HOXC4: variants seen among roughly 807,000 people sequenced by gnomAD.
The protein encoded by HOXC4 is homeobox C4.
In HOXC4, 15 loss-of-function variants were observed where a neutral mutation model predicts 25.5. The ratio of observed to expected loss-of-function variants is 0.59; its 90% CI spans 0.39 to 0.91. HOXC4 has a LOEUF of 0.91. Ranked by LOEUF, HOXC4 falls within the 40% of genes least tolerant of loss-of-function variation. The pLI is 0.00. For missense variants in HOXC4, 342 were observed against 352.4 expected (o/e 0.97, Z 0.24); for synonymous variants, 165 against 148.0 (o/e 1.11, Z -0.83).
chr12:54,028,712 G>A lies in HOXC4; in HGVS notation c.-124+11298G>A. On this transcript the variant is annotated intron_variant, in intron 1 of 3. Coordinates refer to the HOXC4 transcript ENST00000303406. Reference sequence around the variant, plus strand: ...TCGCCACAGGAGAATGTCGTGTTCAGTTCCAGCCGGGGGCCGTATGACTAT... The same window carrying A: ...TCGCCACAGGAGAATGTCGTGTTCAATTCCAGCCGGGGGCCGTATGACTAT... The A allele has an allele frequency of 1.2e-6, 2 of 1,614,072 alleles. 1 individual carries two copies. The highest frequency in any genetic ancestry group is 1.7e-6 in the Non-Finnish European group (2 of 1,180,014).
chr12:54,029,962 A>G (rs769716268), intron 1 of HOXC4: 1 of 1,558,092 alleles, frequency 6.4e-7, no homozygotes, highest in Admixed American at 1.9e-5. Flanking sequence ...AGAAAGAGTG[A>G]CCAGGACTGT....
rs576757620 is a variant in HOXC4, at chr12:54,045,048, C to T, written c.-123-8112C>T. 2.6e-5 allele frequency among the ~76,000 whole-genome samples: 4 copies of T among 152,260 alleles called. No homozygotes were observed. The South Asian group carries it at 6.2e-4, about 24-fold the overall frequency. On this transcript the variant is annotated intron_variant, in intron 1 of 3. Transcript: ENST00000303406. ...AATATGTCATAGATTATATGAGTTC[C>T]GGGCCCTCTTAGCACTTGCGAAGTC...
At chr12:54,027,123 C>T (rs1223663979) in intron 1 of HOXC4, among the ~76,000 whole-genome samples, 1 of 152,248 alleles carries the variant, frequency 6.6e-6, no homozygotes, top group African/African-American at 2.4e-5. Context: ...TTTCAGTTCG[C>T]CTACTGCGGC....
chr12:54,034,036 C>A (rs752458105), intron 1 of HOXC4: 1 of 694,048 alleles, frequency 1.4e-6, no homozygotes, highest in South Asian at 1.5e-5. Context: ...CCTCTTCCCC[C>A]CAACCCCCCC....
At chr12:54,037,551 C>A (rs1207372842) in intron 1 of HOXC4, among the ~76,000 whole-genome samples, 1 of 152,194 alleles carries the variant, frequency 6.6e-6, no homozygotes, top group Non-Finnish European at 1.5e-5. Context: ...AAAAGATCAA[C>A]ACGACCTCGA....
Position 54,026,851 on chromosome 12 carries a change from C to T in HOXC4, c.-124+9437C>T, listed in dbSNP as rs539135953. 6.6e-5 allele frequency among the ~76,000 whole-genome samples: 10 copies of T among 152,106 alleles called. No individual in the cohort carries two copies. The East Asian group carries it at 1.7e-3, about 26-fold the overall frequency. ...CATAGTCCCGTTTATGGCTTTATTG[C>T]TACCCATTGATTACTCCGCTTTGTT... is the stretch of plus-strand genomic sequence containing the variant. On this transcript the variant is annotated intron_variant, in intron 1 of 3. Transcript: ENST00000303406.
chr12:54,054,434 T>G, intron 1 of HOXC4, 73 bp downstream of exon 1: 3 of 803,534 alleles, frequency 3.7e-6, no homozygotes, highest in African/African-American at 4.0e-5. Context: ...CTCGGCCCCC[T>G]CTGGCCCCCG....
intron 1 of HOXC4, chr12:54,029,057 G>T (rs1026685919): frequency 1.2e-6 from 1 of 867,370 alleles, no homozygotes; most frequent in Admixed American, 2.8e-5. Context: ...CCGAGACAGG[G>T]CCCCCTCTTC....
chr12:54,042,756 T>C (rs1321740771), intron 1 of HOXC4, among the ~76,000 whole-genome samples: 1 of 152,160 alleles, frequency 6.6e-6, no homozygotes, highest in Non-Finnish European at 1.5e-5. Flanking sequence ...AATGATTCAA[T>C]TTAAGGAGAA....
chr12:54,049,518 G>T (rs1937795577), upstream of HOXC4, among the ~76,000 whole-genome samples: 2 of 146,586 alleles, frequency 1.4e-5, no homozygotes, highest in African/African-American at 2.6e-5. Context: ...TATTTTAAAG[G>T]GGGGCAAATT....
chr12:54,036,323 G>A (rs1941184893), intron 1 of HOXC4, among the ~76,000 whole-genome samples: 1 of 152,180 alleles, frequency 6.6e-6, no homozygotes, highest in African/African-American at 2.4e-5. Flanking sequence ...ACACTGGTGG[G>A]GTGAGGGTCT....
At chr12:54,034,964 A>C in intron 1 of HOXC4, 1 of 181,396 alleles carries the variant, frequency 5.5e-6, no homozygotes, top group Non-Finnish European at 1.2e-5. Flanking sequence ...CTGGCCCTAG[A>C]CTCGGGGTGC....
intron 1 of HOXC4, among the ~76,000 whole-genome samples, chr12:54,029,420 C>CG (rs1391240893): frequency 7.1e-6 from 1 of 141,608 alleles, no homozygotes; most frequent in African/African-American, 2.6e-5. Context: ...CGCCCCCCCC[C>CG]CCACCACACA....
upstream of HOXC4, chr12:54,053,537 C>T (rs923923983): frequency 1.4e-5 from 3 of 220,584 alleles, no homozygotes; most frequent in African/African-American, 2.3e-5. Context: ...GAGGGGAGAC[C>T]CTGGGCGGGG....
At chr12:54,038,441 A>C (rs1489103054) in intron 1 of HOXC4, among the ~76,000 whole-genome samples, 1 of 152,200 alleles carries the variant, frequency 6.6e-6, no homozygotes, top group African/African-American at 2.4e-5. Flanking sequence ...GCCCTTGGCC[A>C]GTGGCCCAAG....
chr12:54,026,962 G>GGT (rs745411891), intron 1 of HOXC4, among the ~76,000 whole-genome samples: 4 of 83,280 alleles, frequency 4.8e-5, no homozygotes, highest in East Asian at 4.8e-4. Context: ...ACCCAAAAAT[G>GGT]GTGGGGGGGG....
chr12:54,033,883 GCTCC>G, intron 1 of HOXC4: 3 of 468,930 alleles, frequency 6.4e-6, no homozygotes, highest in Non-Finnish European at 1.2e-5. Context: ...TCCCCCCGCG[GCTCC>G]CTCCCTCCCT....
chr12:54,051,742 C>T (rs1182107376), upstream of HOXC4, among the ~76,000 whole-genome samples: 1 of 152,130 alleles, frequency 6.6e-6, no homozygotes, highest in Non-Finnish European at 1.5e-5. Context: ...CCCTGCTGAG[C>T]CTGGGGTGGG....
upstream of HOXC4, among the ~76,000 whole-genome samples, chr12:54,050,140 G>T (rs796554508): frequency 3.9e-5 from 6 of 152,148 alleles, no homozygotes; most frequent in Admixed American, 3.9e-4. Flanking sequence ...CTATGGAGCC[G>T]CTGAGCTCTC....
Sources: allele counts gnomAD v4.1 joint callset (sites outside exome capture counted in the v4.1 genomes callset), GRCh38; gene constraint gnomAD v4.1.1; transcripts MANE v1.5; gene names NCBI Gene and HGNC (gene_info 2026-07-23, HGNC 2026-07-21).